Variants in SVIL observed in about 807,000 individuals in gnomAD.
The protein encoded by SVIL is archvillin.
In SVIL, 101 loss-of-function variants were observed where a neutral mutation model predicts 240.4. That is an observed-to-expected ratio of 0.42 (90% CI 0.36 to 0.50). SVIL has a LOEUF of 0.50. SVIL is among the 20% of genes least tolerant of loss of function. The probability of loss-of-function intolerance (pLI) is 0.01; values close to 1 mark genes in which losing one functional copy is unlikely to be tolerated. For missense variants in SVIL, 2,512 were observed against 2,818.7 expected (o/e 0.89, Z 2.46); for synonymous variants, 999 against 1,100.0 (o/e 0.91, Z 1.82).
At chr10:29,705,293 A>T (rs1008006252) in intron 1 of SVIL, among the ~76,000 whole-genome samples, 3 of 152,204 alleles carry the variant, frequency 2.0e-5, no homozygotes, top group African/African-American at 7.2e-5. Context: ...CCCAAAAGAT[A>T]TCCACATTCT....
At chr10:29,705,677 C>G (rs897531677) in intron 1 of SVIL, among the ~76,000 whole-genome samples, 5 of 152,114 alleles carry the variant, frequency 3.3e-5, no homozygotes, top group African/African-American at 1.2e-4. Flanking sequence ...GTCATGTTCC[C>G]CTCCCTATGT....
At chr10:29,528,478 C>T (rs61846570) in intron 12 of SVIL, among the ~76,000 whole-genome samples, 16,642 of 152,174 alleles carry the variant, frequency 0.11, 1,125 homozygotes, top group African/African-American at 0.18. Context: ...GTGGCTCACG[C>T]CTGTAGCTCC....
At chr10:29,636,581 T>C (rs540875612), upstream of SVIL, among the ~76,000 whole-genome samples, 2 of 152,210 alleles carry the variant, frequency 1.3e-5, no homozygotes, top group East Asian at 1.9e-4. Context: ...CTGTCTTTGA[T>C]TATTTAAATC....
intron 26 of SVIL, among the ~76,000 whole-genome samples, chr10:29,485,087 A>T (rs1328871791): frequency 1.3e-5 from 2 of 151,856 alleles, no homozygotes; most frequent in Non-Finnish European, 2.9e-5. Context: ...CTGAACTCTC[A>T]ACCTGCTTAC....
intron 17 of SVIL, among the ~76,000 whole-genome samples, chr10:29,502,200 GCTA>G (rs1255604152): frequency 1.3e-5 from 2 of 152,132 alleles, no homozygotes; most frequent in Non-Finnish European, 2.9e-5. Context: ...ACTTAACTTT[GCTA>G]CTTAGTAGGG....
At chr10:29,537,217 A>T (rs568665984) in intron 6 of SVIL, among the ~76,000 whole-genome samples, 8 of 152,338 alleles carry the variant, frequency 5.3e-5, no homozygotes, top group African/African-American at 1.9e-4. Flanking sequence ...CCAACACAAG[A>T]GTTACAAGTA....
At position 29,715,197 on chromosome 10, in the gene SVIL, A is replaced by G. The variant is rs1209281101; in HGVS notation, c.-400+20554T>C. Among the ~76,000 whole-genome samples the G allele has an allele frequency of 2.6e-5, 4 of 152,276 alleles. No individual in the cohort carries two copies. The East Asian group carries it at 7.7e-4, about 29-fold the overall frequency. ...AGGTGAGTATATCCACTCTGAAAAT[A>G]ACATCTTGGTTCATAAGTTGGTTTC... On this transcript the variant is annotated intron_variant, in intron 1 of 35. Transcript: ENST00000375400.
chr10:29,668,147 C>A (rs531768854), intron 2 of SVIL, among the ~76,000 whole-genome samples: 31 of 152,224 alleles, frequency 2.0e-4, no homozygotes, highest in African/African-American at 7.5e-4. Flanking sequence ...CTTAAAGCTA[C>A]CTCTGAGTGT....
intron 1 of SVIL, among the ~76,000 whole-genome samples, chr10:29,631,644 G>A (rs564708679): frequency 5.1e-4 from 78 of 152,154 alleles, no homozygotes; most frequent in African/African-American, 1.2e-3. Context: ...GCGTGGTGGC[G>A]GACACCTGTA....
chr10:29,474,001 GA>G lies in SVIL; in HGVS notation c.5378-13del, dbSNP rs1564471080. On this transcript the variant is annotated splice_polypyrimidine_tract_variant and intron_variant, in intron 29 of 37. Coordinates refer to ENST00000355867, the MANE Select transcript of SVIL (RefSeq NM_021738.3). ...CTGGCGACTTCCCACTGCAAACACA[GA>G]ATGGCAGAGGGACAGGTCAGCAGCT... The G allele has an allele frequency of 6.2e-7, 1 of 1,611,748 alleles. No individual in the cohort carries two copies. Among genetic ancestry groups the G allele is most frequent in the Admixed American group, 1.7e-5 (1 of 59,952 alleles).
chr10:29,655,108 T>C (rs1319041478), intron 3 of SVIL, among the ~76,000 whole-genome samples: 1 of 152,046 alleles, frequency 6.6e-6, no homozygotes, highest in East Asian at 1.9e-4. Flanking sequence ...TGTATTAGGG[T>C]TCTCCAGAGG....
intron 12 of SVIL, among the ~76,000 whole-genome samples, chr10:29,527,606 T>A (rs1951020927): frequency 6.6e-6 from 1 of 151,726 alleles, no homozygotes; most frequent in African/African-American, 2.4e-5. Context: ...TTTGTATTTT[T>A]ATTAGAGATG....
intron 6 of SVIL, among the ~76,000 whole-genome samples, chr10:29,544,574 G>T (rs140864255): frequency 6.6e-6 from 1 of 151,938 alleles, no homozygotes; most frequent in Non-Finnish European, 1.5e-5. Flanking sequence ...GGGCAACATT[G>T]TGAAACCCCA....
chr10:29,639,490 A>G (rs111502511), upstream of SVIL, among the ~76,000 whole-genome samples: 6,081 of 121,860 alleles, frequency 0.05, 205 homozygotes, highest in Middle Eastern at 0.13. Flanking sequence ...TTTTTTTGAG[A>G]TGGAGTTTCA....
chr10:29,553,751 G>A (rs1393714487), intron 5 of SVIL, among the ~76,000 whole-genome samples: 1 of 152,196 alleles, frequency 6.6e-6, no homozygotes, highest in Non-Finnish European at 1.5e-5. Flanking sequence ...TGAGTCACGT[G>A]CACTCAACAT....
At chr10:29,673,151 T>G (rs1252874003) in intron 2 of SVIL, among the ~76,000 whole-genome samples, 3 of 152,144 alleles carry the variant, frequency 2.0e-5, no homozygotes, top group Non-Finnish European at 4.4e-5. Context: ...TGACCTCAGG[T>G]GATTCACCCA....
intron 4 of SVIL, 23 bp from the exon 5 acceptor site, chr10:29,554,957 C>A: frequency 6.2e-7 from 1 of 1,609,838 alleles, no homozygotes; most frequent in Non-Finnish European, 8.5e-7. Context: ...CCACAAGAGG[C>A]AGAGTGAGCA....
At chr10:29,677,514 A>G (rs919177529) in intron 2 of SVIL, among the ~76,000 whole-genome samples, 3 of 152,094 alleles carry the variant, frequency 2.0e-5, no homozygotes, top group Admixed American at 6.6e-5. Context: ...ACTCCATGCA[A>G]TGGAGCCCAC....
intron 1 of SVIL, among the ~76,000 whole-genome samples, chr10:29,606,494 T>C (rs1392605168): frequency 6.6e-6 from 1 of 152,240 alleles, no homozygotes; most frequent in African/African-American, 2.4e-5. Flanking sequence ...ACTCTGTCTC[T>C]CAACAAAATT....
Sources: gnomAD v4.1 joint callset for allele counts (sites outside exome capture counted in the v4.1 genomes callset) on GRCh38, gnomAD v4.1.1 for gene constraint, MANE v1.5 for transcripts, NCBI Gene and HGNC (gene_info 2026-07-23, HGNC 2026-07-21) for gene names.